The following FRMD4B variants were observed in gnomAD, a reference collection of about 807,000 sequenced individuals.
FRMD4B encodes FERM domain containing 4B.
FRMD4B carries 74 observed loss-of-function variants against 141.5 expected under a neutral mutation model. The ratio of observed to expected loss-of-function variants is 0.52; its 90% confidence interval spans 0.43 to 0.63. The LOEUF (loss-of-function observed/expected upper bound fraction) is 0.63, where lower values mean the gene tolerates loss of function less well. Among genes scored for constraint, FRMD4B ranks in the 30% least tolerant of loss-of-function variants. The probability of loss-of-function intolerance (pLI) is 0.00; values close to 1 mark genes in which losing one functional copy is unlikely to be tolerated. For synonymous variants in FRMD4B, 506 were observed against 467.9 expected (o/e 1.08, Z -1.05); for missense variants, 1,366 against 1,253.4 (o/e 1.09, Z -1.36).
At chr3:69,241,442 G>C (rs749165707) in intron 7 of FRMD4B, among the ~76,000 whole-genome samples, 1 of 152,194 alleles carries the variant, frequency 6.6e-6, no homozygotes, top group Non-Finnish European at 1.5e-5. Context: ...GTATTGTAGA[G>C]AGGAAAATCA....
At chr3:69,272,118 A>G (rs1420373006) in intron 5 of FRMD4B, among the ~76,000 whole-genome samples, 1 of 152,192 alleles carries the variant, frequency 6.6e-6, no homozygotes, top group Non-Finnish European at 1.5e-5. Context: ...TAGTTATCAC[A>G]AGAAGGTACA....
intron 1 of FRMD4B, among the ~76,000 whole-genome samples, chr3:69,455,885 T>G (rs1042896703): frequency 6.6e-5 from 10 of 152,206 alleles, no homozygotes; most frequent in African/African-American, 2.4e-4. Context: ...CTACTCTAGG[T>G]TCAGGATCCT....
chr3:69,329,185 C>T (rs563457720), intron 1 of FRMD4B, among the ~76,000 whole-genome samples: 2 of 152,218 alleles, frequency 1.3e-5, no homozygotes, highest in Admixed American at 1.3e-4. Context: ...ACAGAGGCTT[C>T]AGGTTTACAG....
intron 11 of FRMD4B, among the ~76,000 whole-genome samples, chr3:69,201,578 G>A (rs1284896948): frequency 6.6e-6 from 1 of 152,152 alleles, no homozygotes; most frequent in Non-Finnish European, 1.5e-5. Flanking sequence ...AATGTTTGAA[G>A]TTGCTAGGAA....
chr3:69,247,696 C>T (rs1017320483), intron 7 of FRMD4B, among the ~76,000 whole-genome samples: 5 of 151,988 alleles, frequency 3.3e-5, no homozygotes, highest in Admixed American at 6.6e-5. Context: ...TTGCCCAGGC[C>T]GGACTGCAGT....
rs566874485 is a variant in FRMD4B at position 69,468,215 on chromosome 3, T to A, written c.-128-35454A>T. On this transcript the variant is annotated intron_variant, in intron 1 of 5. Coordinates refer to the FRMD4B transcript ENST00000459638. ...TATATGCAAAAGCAGAGAAAAAAAG[T>A]ATCACGGATCCTCATGAACTCCCAA... 2.4e-5 allele frequency among the ~76,000 whole-genome samples: 3 copies of A among 126,606 alleles called. No individual in the cohort carries two copies. The East Asian group carries it at 7.3e-4, about 31-fold the overall frequency. The allele number at this position is 126,606 out of a possible 152,430, so 83.1% of individuals were successfully genotyped here. A position where few individuals can be genotyped will look rare whatever the true frequency, so the allele number is the denominator to read the frequency against.
chr3:69,182,463 C>A, intron 20 of FRMD4B, 135 bp downstream of exon 20: 1 of 744,408 alleles, frequency 1.3e-6, no homozygotes, highest in Non-Finnish European at 2.1e-6. Flanking sequence ...CATAAGTTAG[C>A]AGAAAATGTA....
intron 4 of FRMD4B, chr3:69,293,174 C>T: frequency 3.7e-6 from 1 of 268,380 alleles, no homozygotes; most frequent in South Asian, 3.3e-5. Flanking sequence ...GATGGCAACA[C>T]ATGGATGTCA....
chr3:69,271,994 T>A (rs529590300), intron 5 of FRMD4B, among the ~76,000 whole-genome samples: 2 of 152,036 alleles, frequency 1.3e-5, no homozygotes, highest in Non-Finnish European at 2.9e-5. Flanking sequence ...AAAAATAAAA[T>A]AAAATAAATA....
rs574030683 is a variant in FRMD4B at position 69,256,508 on chromosome 3, T to TG, written c.502-6410dup. Among the ~76,000 whole-genome samples, 31 of 152,242 alleles carry TG rather than the reference T, an allele frequency of 2.0e-4. 2 individuals carry two copies. In the South Asian group the frequency reaches 6.0e-3, roughly 30 times the overall value. On this transcript the variant is annotated intron_variant, in intron 5 of 22. Transcript: ENST00000398540. ...TTGATTTTCGTATTTTTAGTAGAGA[T>TG]GGGGTTTCACCATGTTGGCCAGGCT...
intron 5 of FRMD4B, among the ~76,000 whole-genome samples, chr3:69,255,132 A>C (rs1426170060): frequency 1.3e-5 from 2 of 152,184 alleles, no homozygotes; most frequent in Non-Finnish European, 1.5e-5. Flanking sequence ...AAATTTTCTG[A>C]ATGTGATCAT....
intron 1 of FRMD4B, among the ~76,000 whole-genome samples, chr3:69,333,668 T>G (rs567866229): frequency 6.6e-6 from 1 of 152,344 alleles, no homozygotes; most frequent in African/African-American, 2.4e-5. Context: ...TAGTCTATTT[T>G]ATCATTTCTT....
At chr3:69,328,852 T>G (rs966128683) in intron 1 of FRMD4B, among the ~76,000 whole-genome samples, 1 of 152,034 alleles carries the variant, frequency 6.6e-6, no homozygotes, top group East Asian at 1.9e-4. Context: ...TCCTGGAAAA[T>G]TCATGAATAA....
chr3:69,469,889 G>A (rs137940533), intron 1 of FRMD4B, among the ~76,000 whole-genome samples: 1 of 152,156 alleles, frequency 6.6e-6, no homozygotes, highest in Non-Finnish European at 1.5e-5. Context: ...TCCCCTCAGG[G>A]TCAAGTACCT....
At chr3:69,478,373 TG>T (rs1221955076) in intron 1 of FRMD4B, among the ~76,000 whole-genome samples, 31 of 152,368 alleles carry the variant, frequency 2.0e-4, no homozygotes, top group African/African-American at 6.5e-4. Flanking sequence ...CACACTGCTT[TG>T]AATGTGTCCC....
chr3:69,247,804 G>A (rs1305576754), intron 7 of FRMD4B, among the ~76,000 whole-genome samples: 2 of 152,044 alleles, frequency 1.3e-5, no homozygotes, highest in Non-Finnish European at 2.9e-5. Flanking sequence ...ACCCGCCACC[G>A]CACCCAGCTA....
intron 5 of FRMD4B, among the ~76,000 whole-genome samples, chr3:69,269,178 C>T (rs2093582949): frequency 6.6e-6 from 1 of 151,766 alleles, no homozygotes; most frequent in African/African-American, 2.4e-5. Flanking sequence ...ACCCACCTGC[C>T]TCGGCCTCTC....
intron 1 of FRMD4B, among the ~76,000 whole-genome samples, chr3:69,486,753 A>C (rs897024814): frequency 1.3e-5 from 2 of 152,242 alleles, no homozygotes; most frequent in African/African-American, 4.8e-5. Context: ...TGAAGAGATT[A>C]GTTTGGTTAG....
chr3:69,453,968 G>A (rs764729757), intron 1 of FRMD4B, among the ~76,000 whole-genome samples: 78 of 152,220 alleles, frequency 5.1e-4, no homozygotes, highest in Admixed American at 1.0e-3. Flanking sequence ...TGTGTCCCCC[G>A]CACTGGGACC....
Sources: gnomAD v4.1 joint callset for allele counts (sites outside exome capture counted in the v4.1 genomes callset) on GRCh38, gnomAD v4.1.1 for gene constraint, MANE v1.5 for transcripts, NCBI Gene and HGNC (gene_info 2026-07-23, HGNC 2026-07-21) for gene names.